LRRC1: variants seen among roughly 807,000 people sequenced by gnomAD.
LRRC1 encodes the protein leucine-rich repeat-containing protein 1.
In LRRC1, 28 loss-of-function variants were observed where a neutral mutation model predicts 69.9. The observed-to-expected ratio is 0.40, with a 90% CI of 0.30 to 0.55. LRRC1 has a LOEUF of 0.55. Among genes scored for constraint, LRRC1 ranks in the 20% least tolerant of loss-of-function variants. The pLI is 0.47. For synonymous variants in LRRC1, 236 were observed against 240.2 expected (o/e 0.98, Z 0.16); for missense variants, 498 against 609.0 (o/e 0.82, Z 1.92).
intron 1 of LRRC1, among the ~76,000 whole-genome samples, chr6:53,810,591 G>A (rs532154100): frequency 1.1e-4 from 17 of 151,944 alleles, no homozygotes; most frequent in Admixed American, 2.0e-4. Flanking sequence ...CTGCACTCCA[G>A]CCTGGGCGAC....
intron 1 of LRRC1, among the ~76,000 whole-genome samples, chr6:53,798,659 G>A (rs1369526435): frequency 3.3e-5 from 5 of 152,294 alleles, no homozygotes; most frequent in East Asian, 1.9e-4. Context: ...GATTACAGGC[G>A]TGAGCCACCA....
intron 1 of LRRC1, among the ~76,000 whole-genome samples, chr6:53,801,055 C>A (rs1764471520): frequency 6.6e-6 from 1 of 152,130 alleles, no homozygotes; most frequent in Admixed American, 6.6e-5. Flanking sequence ...TTGTCTCTAG[C>A]TAGTGGGGGA....
intron 2 of LRRC1, among the ~76,000 whole-genome samples, chr6:53,857,417 G>C (rs1311201065): frequency 1.3e-5 from 2 of 152,166 alleles, no homozygotes; most frequent in Non-Finnish European, 2.9e-5. Flanking sequence ...CTGATTGCAT[G>C]GGCTGGAGCT....
intron 1 of LRRC1, among the ~76,000 whole-genome samples, chr6:53,821,138 C>T (rs937183263): frequency 2.0e-5 from 3 of 152,188 alleles, no homozygotes; most frequent in Non-Finnish European, 4.4e-5. Context: ...ATGCAGGGTT[C>T]ACTGTTCAGC....
chr6:53,825,792 T>C (rs1210334046), intron 1 of LRRC1, among the ~76,000 whole-genome samples: 2 of 152,186 alleles, frequency 1.3e-5, no homozygotes, highest in Non-Finnish European at 2.9e-5. Flanking sequence ...ACAGACTAGA[T>C]AATCTTTAAG....
At chr6:53,869,332 C>T (rs545207225) in intron 2 of LRRC1, among the ~76,000 whole-genome samples, 1 of 152,180 alleles carries the variant, frequency 6.6e-6, no homozygotes, top group Admixed American at 6.5e-5. Context: ...ACTCAAATTA[C>T]AGTTTTTAAT....
At chr6:53,795,488 CCCTCTT>C in intron 1 of LRRC1, 73 bp downstream of exon 1, 1 of 1,441,528 alleles carries the variant, frequency 6.9e-7, no homozygotes, top group Non-Finnish European at 9.2e-7. Flanking sequence ...CTCTCTCGTC[CCCTCTT>C]CCATCTCCGG....
At chr6:53,878,130 G>T (rs182025430) in intron 2 of LRRC1, among the ~76,000 whole-genome samples, 1 of 152,194 alleles carries the variant, frequency 6.6e-6, no homozygotes, top group East Asian at 1.9e-4. Context: ...ATCAGGTCTC[G>T]TGAAACTTAC....
In LRRC1 at chr6:53,919,477, TAAA is replaced by T. The variant is rs59865937; in HGVS notation, c.1107-6_1107-4del. On this transcript the variant is annotated intron_variant, in intron 11 of 13. Coordinates refer to ENST00000370888, the MANE Select transcript of LRRC1 (RefSeq NM_018214.5). ...TTTGAGGTTGTGATGTCTCTTTTTT[TAAA>T]AAAAAAAAAAAAAACAGGTTGCTGC... 7.5e-5 allele frequency: 94 copies of T among 1,256,322 alleles called. No homozygotes were observed. Among genetic ancestry groups the T allele is most frequent in the African/African-American group, 5.3e-4 (32 of 60,694 alleles). 77.8% of individuals were successfully genotyped at this position (1,256,322 alleles called of 1,614,324 possible).
At chr6:53,880,050 G>A (rs577345593) in intron 3 of LRRC1, among the ~76,000 whole-genome samples, 1 of 152,044 alleles carries the variant, frequency 6.6e-6, no homozygotes, top group Non-Finnish European at 1.5e-5. Context: ...TTTTTCTTTT[G>A]ATCTAGGAAA....
chr6:53,843,589 G>T (rs546263716), intron 2 of LRRC1, among the ~76,000 whole-genome samples: 2 of 152,276 alleles, frequency 1.3e-5, no homozygotes, highest in African/African-American at 4.8e-5. Context: ...TTGGGGGAGG[G>T]TGTCTTGTTT....
At chr6:53,822,510 A>G (rs1465645449) in intron 1 of LRRC1, among the ~76,000 whole-genome samples, 1 of 152,206 alleles carries the variant, frequency 6.6e-6, no homozygotes, top group African/African-American at 2.4e-5. Flanking sequence ...GACTTGGAGC[A>G]GTGAAAGCAT....
intron 1 of LRRC1, among the ~76,000 whole-genome samples, chr6:53,831,326 G>C (rs1046267211): frequency 6.6e-6 from 1 of 152,100 alleles, no homozygotes; most frequent in African/African-American, 2.4e-5. Context: ...AATCCTGTGG[G>C]ATTTCAGTAT....
Position 53,920,250 on chromosome 6 carries a change from C to T in LRRC1, c.1280-375C>T, listed in dbSNP as rs6922399. Among the ~76,000 whole-genome samples, 371 of 152,270 alleles carry T rather than the reference C, an allele frequency of 2.4e-3. 2 individuals are homozygous for T. The highest frequency in any genetic ancestry group is 8.4e-3 in the African/African-American group (348 of 41,564). On this transcript the variant is annotated intron_variant, in intron 12 of 13. Transcript: ENST00000370888. The stretch of plus-strand genomic sequence containing the variant: ...TACTGAGGAAAGTACTAGTGTCCAT[C>T]ATGTGCAGCCACATCACTGTCAGAA...
intron 4 of LRRC1, among the ~76,000 whole-genome samples, chr6:53,883,566 A>T (rs1366168551): frequency 6.6e-6 from 1 of 152,232 alleles, no homozygotes; most frequent in East Asian, 1.9e-4. Flanking sequence ...TCCATTGAAG[A>T]CAATGTATGC....
intron 10 of LRRC1, 54 bp from the exon 11 acceptor site, chr6:53,913,800 A>T: frequency 1.7e-6 from 2 of 1,181,298 alleles, no homozygotes; most frequent in Non-Finnish European, 2.5e-6. Context: ...CTCTGATCCT[A>T]CTCCATCTCC....
intron 2 of LRRC1, among the ~76,000 whole-genome samples, chr6:53,874,291 C>T (rs1185587697): frequency 6.6e-6 from 1 of 151,866 alleles, no homozygotes; most frequent in Non-Finnish European, 1.5e-5. Flanking sequence ...ACTAAGGGTC[C>T]ACAAATGTTC....
At chr6:53,803,566 A>G (rs1385895347) in intron 1 of LRRC1, among the ~76,000 whole-genome samples, 2 of 150,758 alleles carry the variant, frequency 1.3e-5, no homozygotes, top group African/African-American at 4.9e-5. Flanking sequence ...ATTTTAGAAG[A>G]TCTAATAGAG....
chr6:53,825,742 C>T (rs1397264962), intron 1 of LRRC1, among the ~76,000 whole-genome samples: 3 of 151,978 alleles, frequency 2.0e-5, no homozygotes, highest in Non-Finnish European at 4.4e-5. Context: ...GGTTTGTAGG[C>T]GTTAAGTGGG....
Sources: gnomAD v4.1 joint callset for allele counts (sites outside exome capture counted in the v4.1 genomes callset) on GRCh38, gnomAD v4.1.1 for gene constraint, MANE v1.5 for transcripts, NCBI Gene and HGNC (gene_info 2026-07-23, HGNC 2026-07-21) for gene names.